DRD3: variants seen among roughly 807,000 people sequenced by gnomAD.
DRD3 encodes dopamine receptor D3.
Under a neutral mutation model 36.3 loss-of-function variants are expected in DRD3, and 19 were observed. That is an observed-to-expected ratio of 0.52 (90% CI 0.36 to 0.77). The LOEUF (loss-of-function observed/expected upper bound fraction) is 0.77, where lower values mean the gene tolerates loss of function less well. DRD3 is among the 30% of genes least tolerant of loss of function. The probability of loss-of-function intolerance (pLI) is 0.00; values close to 1 mark genes in which losing one functional copy is unlikely to be tolerated. For synonymous variants in DRD3, 195 were observed against 203.7 expected, an observed-to-expected ratio of 0.96 and a Z score of 0.36; for missense variants, 465 against 505.3, an observed-to-expected ratio of 0.92 and a Z score of 0.77.
At chr3:114,152,119 A>G (rs945561095) in intron 3 of DRD3, among the ~76,000 whole-genome samples, 6 of 152,170 alleles carry the variant, frequency 3.9e-5, no homozygotes, top group African/African-American at 1.4e-4. Context: ...GTATTTGGTT[A>G]CATAAGTTCT....
At chr3:114,198,136 A>G (rs1219737526) in intron 1 of DRD3, among the ~76,000 whole-genome samples, 4 of 152,220 alleles carry the variant, frequency 2.6e-5, no homozygotes, top group African/African-American at 9.6e-5. Flanking sequence ...GTTTTAGGGT[A>G]CAGGTCTTTT....
At chr3:114,161,583 A>G (rs576623149) in intron 2 of DRD3, among the ~76,000 whole-genome samples, 5 of 152,362 alleles carry the variant, frequency 3.3e-5, no homozygotes, top group African/African-American at 1.2e-4. Context: ...AATGAAAATT[A>G]AAACTAGTGA....
chr3:114,193,938 C>T (rs867031647), intron 1 of DRD3, among the ~76,000 whole-genome samples: 1 of 152,022 alleles, frequency 6.6e-6, no homozygotes, highest in African/African-American at 2.4e-5. Flanking sequence ...TTCCTGTTTC[C>T]TTATTCCTTT....
At chr3:114,198,770 C>A (rs1186515717) in intron 1 of DRD3, among the ~76,000 whole-genome samples, 1 of 151,974 alleles carries the variant, frequency 6.6e-6, no homozygotes, top group African/African-American at 2.4e-5. Flanking sequence ...CAAGGTCTTG[C>A]TCTGTTGCCC....
Position 114,140,149 on chromosome 3 carries a change from T to C in DRD3, c.527-453A>G, listed in dbSNP as rs977877028. Among the ~76,000 whole-genome samples, 3 of 152,200 alleles carry C rather than the reference T, an allele frequency of 2.0e-5. No homozygotes were observed. In the South Asian group the frequency reaches 6.2e-4, roughly 32 times the overall value. On this transcript the variant is annotated intron_variant, in intron 4 of 6. Transcript: ENST00000383673. The stretch of plus-strand genomic sequence containing the variant: ...CTGCTGGTGCGGAGGCATTGGAGAA[T>C]TGTTTGAATGCAATGAAAGGAAGAA...
chr3:114,192,564 T>A (rs1036733814), intron 1 of DRD3, among the ~76,000 whole-genome samples: 2 of 152,222 alleles, frequency 1.3e-5, no homozygotes, highest in Non-Finnish European at 2.9e-5. Flanking sequence ...TTCTCTGTCT[T>A]TTTCTTTGCT....
In DRD3 at chr3:114,129,199, T is replaced by C. The variant is rs142497128; in HGVS notation, c.1007-287A>G. Among the ~76,000 whole-genome samples the C allele has an allele frequency of 7.5e-3, 1,133 of 152,030 alleles. 14 individuals are homozygous for C. Among genetic ancestry groups the C allele is most frequent in the African/African-American group, 0.026 (1,075 of 41,490 alleles). On this transcript the variant is annotated intron_variant, in intron 6 of 6. Transcript: ENST00000383673. ...GTCTACTAAAAATACAAAAATTAGC[T>C]GGGCGTGGTGGTGCGTGCCTATAAG...
chr3:114,160,246 A>T (rs112208094), intron 2 of DRD3, among the ~76,000 whole-genome samples: 10 of 151,844 alleles, frequency 6.6e-5, no homozygotes, highest in South Asian at 2.1e-4. Context: ...TATTTTTTTT[A>T]AATTTATTTT....
At chr3:114,186,177 T>A (rs1279145769) in intron 1 of DRD3, among the ~76,000 whole-genome samples, 1 of 152,212 alleles carries the variant, frequency 6.6e-6, no homozygotes, top group Non-Finnish European at 1.5e-5. Context: ...AATGTCTGAC[T>A]TCCAAAAGGT....
chr3:114,171,356 T>C (rs917202666), intron 2 of DRD3, among the ~76,000 whole-genome samples: 9 of 152,124 alleles, frequency 5.9e-5, no homozygotes, highest in African/African-American at 2.2e-4. Context: ...CTCATATACA[T>C]TAAACACTGG....
At chr3:114,193,081 C>G (rs902080169) in intron 1 of DRD3, among the ~76,000 whole-genome samples, 5 of 151,860 alleles carry the variant, frequency 3.3e-5, no homozygotes, top group Admixed American at 3.3e-4. Flanking sequence ...AGATCGAGAC[C>G]ATCCTGGCTA....
chr3:114,144,343 CA>C lies in DRD3; in HGVS notation c.526+3071del, dbSNP rs1304299686. Among the ~76,000 whole-genome samples, 9 of 152,354 alleles carry C rather than the reference CA, an allele frequency of 5.9e-5. No individual in the cohort carries two copies. In the East Asian group the frequency reaches 1.5e-3, roughly 26 times the overall value. On this transcript the variant is annotated intron_variant, in intron 4 of 6. Transcript: ENST00000383673. ...GTGAAAGTCCAGCTGCTTCCAATAT[CA>C]GGTGTTATTGGCAGGATCCTGCCCT...
intron 4 of DRD3, among the ~76,000 whole-genome samples, chr3:114,141,718 ATGT>A (rs1265202366): frequency 6.6e-6 from 1 of 152,172 alleles, no homozygotes; most frequent in Non-Finnish European, 1.5e-5. Flanking sequence ...GGTAAATTTC[ATGT>A]TGTTTCACCA....
At chr3:114,131,529 A>G in intron 5 of DRD3, 129 bp from the exon 6 acceptor site, 1 of 1,275,790 alleles carries the variant, frequency 7.8e-7, no homozygotes, top group Admixed American at 2.7e-5. Context: ...TACAAAGGGA[A>G]CATCTGAGGG....
In DRD3 at chr3:114,139,480, A is replaced by G. The variant is rs1577585728; in HGVS notation, c.723+20T>C. ...GGAGATTGGGTGTTGTCTTCCCTCT[A>G]CCCCCTCCAGGGTACTTACTTGCTG... On this transcript the variant is annotated intron_variant, in intron 5 of 6. Transcript: ENST00000383673. 2.5e-6 allele frequency: 4 copies of G among 1,606,180 alleles called. No homozygotes were observed. Among genetic ancestry groups the G allele is most frequent in the African/African-American group, 1.3e-5 (1 of 74,838 alleles).
intron 4 of DRD3, among the ~76,000 whole-genome samples, chr3:114,140,105 G>A (rs1289787308): frequency 6.6e-6 from 1 of 152,208 alleles, no homozygotes; most frequent in Admixed American, 6.5e-5. Flanking sequence ...CAGGAGGGAT[G>A]CAGCCCTCAG....
chr3:114,157,008 C>G (rs756847239), intron 3 of DRD3, among the ~76,000 whole-genome samples: 1 of 138,476 alleles, frequency 7.2e-6, no homozygotes. Flanking sequence ...CTCTCTCTCT[C>G]TCTTTCTTTC....
Position 114,178,643 on chromosome 3 carries a change from G to T in DRD3, c.-36+14C>A, listed in dbSNP as rs986866007. The stretch of plus-strand genomic sequence containing the variant: ...CTATGTCCTAAATTAGAAACGAAAA[G>T]AAAAATTACTTACCCTAAAATTTTC... On this transcript the variant is annotated intron_variant, in intron 1 of 6. Coordinates refer to ENST00000383673, the MANE Select transcript of DRD3 (RefSeq NM_000796.6). 1 of 152,066 alleles carries T rather than the reference G, an allele frequency of 6.6e-6. No homozygotes were observed. Among genetic ancestry groups the T allele is most frequent in the African/African-American group, 2.4e-5 (1 of 41,406 alleles). 9.4% of individuals were successfully genotyped at this position (152,066 alleles called of 1,614,324 possible).
chr3:114,173,192 A>G (rs2077864009), intron 1 of DRD3, among the ~76,000 whole-genome samples: 1 of 152,206 alleles, frequency 6.6e-6, no homozygotes, highest in African/African-American at 2.4e-5. Context: ...GGCCCTCACC[A>G]GACACTGAAT....
Sources: gnomAD v4.1 joint callset for allele counts (sites outside exome capture counted in the v4.1 genomes callset) on GRCh38, gnomAD v4.1.1 for gene constraint, MANE v1.5 for transcripts, NCBI Gene and HGNC (gene_info 2026-07-23, HGNC 2026-07-21) for gene names.